The following RNF169 variants were observed in gnomAD, a reference collection of about 807,000 sequenced individuals.
RNF169 encodes the protein ring finger protein 169, also known as E3 ubiquitin-protein ligase RNF169.
Under a neutral mutation model 53.9 loss-of-function variants are expected in RNF169, and 24 were observed. That is an observed-to-expected ratio of 0.45 (90% CI 0.32 to 0.63). RNF169 has a LOEUF of 0.63. RNF169 is among the 20% of genes least tolerant of loss of function. The pLI is 0.04. For synonymous variants in RNF169, 396 were observed against 363.5 expected, an observed-to-expected ratio of 1.09 and a Z score of -1.02; for missense variants, 883 against 906.2, an observed-to-expected ratio of 0.97 and a Z score of 0.33.
In RNF169 at chr11:74,748,872, G is replaced by A. The variant is rs1412224669; in HGVS notation, c.-9G>A. 3.6e-6 allele frequency: 5 copies of A among 1,406,914 alleles called. No homozygotes were observed. The Admixed American group carries it at 8.2e-5, about 23-fold the overall frequency. The allele number at this position is 1,406,914 out of a possible 1,614,324, so 87.2% of individuals were successfully genotyped here. ...TCGCAACCGACTCTCCCTTCAAACG[G>A]GAAACAAGATGGCGGCTGCAGGTCC... On this transcript the variant is annotated 5_prime_UTR_variant, in exon 1 of 6. Coordinates refer to ENST00000299563, the MANE Select transcript of RNF169 (RefSeq NM_001098638.2).
rs769281779 is a variant in RNF169 at position 74,817,702 on chromosome 11, C to G, written c.830C>G (p.Ala277Gly). 6.2e-7 allele frequency: 1 copy of G among 1,608,146 alleles called. No individual in the cohort carries two copies. Among genetic ancestry groups the G allele is most frequent in the Non-Finnish European group, 8.5e-7 (1 of 1,174,546 alleles). ...TCCAAGAACAACTCCTACTCCTTAG[C>G]TTTCCTGGCAGGGTAAGAGACTGAT... ...FVSKNNSYSL[A>G]FLAGKLNSKV... Residue 277 changes from alanine to glycine, a missense_variant, in exon 4 of 6, where the codon GCT becomes GGT. This residue lies in a region of RNF169 where 219 missense variants were observed against 289.1 expected (regional missense o/e 0.76). Coordinates refer to ENST00000299563, the MANE Select transcript of RNF169 (RefSeq NM_001098638.2).
intron 2 of RNF169, among the ~76,000 whole-genome samples, chr11:74,798,426 C>T (rs2035681248): frequency 1.3e-5 from 2 of 152,222 alleles, no homozygotes; most frequent in South Asian, 4.1e-4. Context: ...CGCTCCCAGG[C>T]TTATTAGGAA....
At chr11:74,835,524 T>G (rs1247316706) in intron 5 of RNF169, 22 bp from the exon 6 acceptor site, 3 of 1,570,444 alleles carry the variant, frequency 1.9e-6, no homozygotes, top group Non-Finnish European at 2.6e-6. Context: ...TATGAAGGCA[T>G]AATCTTTTTA....
At chr11:74,766,682 G>A (rs1419151220) in intron 1 of RNF169, among the ~76,000 whole-genome samples, 1 of 152,164 alleles carries the variant, frequency 6.6e-6, no homozygotes, top group Non-Finnish European at 1.5e-5. Flanking sequence ...GCTAATGATT[G>A]ATTGCTGAAG....
Position 74,748,901 on chromosome 11 carries a change from T to C in RNF169, c.21T>C (p.Ser7=), listed in dbSNP as rs754826982. ...ACAAGATGGCGGCTGCAGGTCCGAG[T>C]ACTCGGGCCTCTTCCGCGGCGGCAG... MAAAGP[S]TRASSAAAAA... is the part of the protein sequence containing the mutation. The change falls in exon 1 of 6, where the codon AGT becomes AGC. Residue 7 remains serine (S), a synonymous_variant. Transcript: ENST00000299563. The C allele has an allele frequency of 6.4e-5, 92 of 1,431,762 alleles. 1 individual carries two copies. The highest frequency in any genetic ancestry group is 8.4e-5 in the Non-Finnish European group (91 of 1,081,086). 88.7% of individuals were successfully genotyped at this position (1,431,762 alleles called of 1,614,324 possible). A position where few individuals can be genotyped will look rare whatever the true frequency, so the allele number is the denominator to read the frequency against.
chr11:74,810,264 G>A lies in RNF169; in HGVS notation c.657G>A (p.Gly219=), dbSNP rs1473614736. ...HKLLPEDTET[G]KRKMDEQKKR... is the part of the protein sequence containing the mutation. ...TGTTACCAGAGGATACAGAAACAGG[G>A]AAAAGGAAAATGGATGAACAGAAAA... Residue 219 remains glycine (G), a synonymous_variant, in exon 3 of 6, where the codon GGG becomes GGA. Coordinates refer to ENST00000299563, the MANE Select transcript of RNF169 (RefSeq NM_001098638.2). The A allele has an allele frequency of 6.2e-7, 1 of 1,613,872 alleles. No homozygotes were observed.
Position 74,749,332 on chromosome 11 carries a change from CCG to C in RNF169, c.455_456del (p.Ala152GlyfsTer33), listed in dbSNP as rs1422248001. Reference sequence around the variant, plus strand: ...CCGCGCCGGGACGGGGGCGCGGCTGCCGCGGGGCCCAGGCCAGAGCAGGAGCC... The same window carrying C: ...CCGCGCCGGGACGGGGGCGCGGCTGCCGGGGCCCAGGCCAGAGCAGGAGCC... On this transcript the variant is annotated frameshift_variant, in exon 1 of 6. Coordinates refer to ENST00000299563, the MANE Select transcript of RNF169 (RefSeq NM_001098638.2). LOFTEE classifies it high-confidence loss of function. 8.3e-7 allele frequency: 1 copy of C among 1,207,826 alleles called. No individual in the cohort carries two copies. The highest frequency in any genetic ancestry group is 1.6e-5 in the African/African-American group (1 of 63,462). 74.8% of individuals were successfully genotyped at this position (1,207,826 alleles called of 1,614,324 possible).
intron 1 of RNF169, among the ~76,000 whole-genome samples, chr11:74,750,564 T>C (rs1039516520): frequency 1.3e-5 from 2 of 150,708 alleles, no homozygotes; most frequent in African/African-American, 4.9e-5. Flanking sequence ...TCTTACTTTC[T>C]ATGTTCCTTG....
intron 3 of RNF169, among the ~76,000 whole-genome samples, chr11:74,816,590 G>A (rs537397769): frequency 1.3e-5 from 2 of 152,330 alleles, no homozygotes; most frequent in South Asian, 2.1e-4. Flanking sequence ...TAATTTGGAA[G>A]CCTTTGCAGA....
chr11:74,784,445 G>A (rs907292577), intron 1 of RNF169, among the ~76,000 whole-genome samples: 16 of 152,140 alleles, frequency 1.1e-4, no homozygotes, highest in African/African-American at 3.6e-4. Flanking sequence ...AAAAGACACC[G>A]AGCAAAATCA....
intron 1 of RNF169, among the ~76,000 whole-genome samples, chr11:74,764,895 G>A (rs1256146212): frequency 6.6e-6 from 1 of 152,170 alleles, no homozygotes; most frequent in Non-Finnish European, 1.5e-5. Context: ...ATCAACTTTA[G>A]GCTTTAAGTC....
intron 2 of RNF169, among the ~76,000 whole-genome samples, chr11:74,807,316 C>T (rs937785726): frequency 6.6e-6 from 1 of 151,888 alleles, no homozygotes; most frequent in Non-Finnish European, 1.5e-5. Context: ...TTTTTTTTCA[C>T]CTCAGACTGT....
Position 74,836,733 on chromosome 11 carries a change from C to T in RNF169, c.*3C>T. 1 of 1,596,276 alleles carries T rather than the reference C, an allele frequency of 6.3e-7. No homozygotes were observed. The highest frequency in any genetic ancestry group is 8.5e-7 in the Non-Finnish European group (1 of 1,171,942). On this transcript the variant is annotated 3_prime_UTR_variant, in exon 6 of 6. Coordinates refer to ENST00000299563, the MANE Select transcript of RNF169 (RefSeq NM_001098638.2). ...GCAACATGGCCGGGGCCAAGTAGCACCTAATGAAGTGTTACCTATTTTTAA... is the reference window on the plus strand; with the variant it reads ...GCAACATGGCCGGGGCCAAGTAGCATCTAATGAAGTGTTACCTATTTTTAA...
intron 1 of RNF169, among the ~76,000 whole-genome samples, chr11:74,780,077 C>G (rs914631308): frequency 6.6e-6 from 1 of 152,192 alleles, no homozygotes; most frequent in Non-Finnish European, 1.5e-5. Flanking sequence ...GTTTCATTGC[C>G]TGCCTTTCGC....
At position 74,748,910 on chromosome 11, in the gene RNF169, C is replaced by G. The variant is rs772917429; in HGVS notation, c.30C>G (p.Ala10=). The G allele has an allele frequency of 2.8e-6, 4 of 1,448,882 alleles. No homozygotes were observed. The highest frequency in any genetic ancestry group is 4.9e-5 in the Admixed American group (2 of 40,954). The allele number at this position is 1,448,882 out of a possible 1,614,324, so 89.8% of individuals were successfully genotyped here. The part of the protein sequence containing the change: MAAAGPSTR[A]SSAAAAAALS... ...CGGCTGCAGGTCCGAGTACTCGGGC[C>G]TCTTCCGCGGCGGCAGCAGCCGCTC... is the stretch of plus-strand genomic sequence containing the variant. Residue 10 remains alanine, a synonymous_variant, in exon 1 of 6, where the codon GCC becomes GCG. Transcript: ENST00000299563.
chr11:74,771,126 A>C (rs1234439136), intron 1 of RNF169, among the ~76,000 whole-genome samples: 1 of 152,030 alleles, frequency 6.6e-6, no homozygotes, highest in Non-Finnish European at 1.5e-5. Flanking sequence ...CATTTTTGAT[A>C]CTTAGTCATA....
At chr11:74,774,360 CAAAA>C (rs1565173824) in intron 1 of RNF169, among the ~76,000 whole-genome samples, 21 of 150,342 alleles carry the variant, frequency 1.4e-4, no homozygotes, top group Non-Finnish European at 1.3e-4. Context: ...AAAAAAAACC[CAAAA>C]AAACAAGAAA....
chr11:74,834,848 TA>T (rs1166790720), intron 5 of RNF169, 73 bp downstream of exon 5: 11 of 977,008 alleles, frequency 1.1e-5, no homozygotes, highest in African/African-American at 3.3e-5. Context: ...GGTCATGAAA[TA>T]AACTATTCCA....
chr11:74,776,243 G>A (rs1014708120), intron 1 of RNF169, among the ~76,000 whole-genome samples: 11 of 151,912 alleles, frequency 7.2e-5, no homozygotes, highest in African/African-American at 2.7e-4. Flanking sequence ...TTCAATTTTG[G>A]TGTTTATGGA....
Sources: gnomAD v4.1 joint callset for allele counts (sites outside exome capture counted in the v4.1 genomes callset) on GRCh38, gnomAD v4.1.1 for gene constraint, gnomAD v4.1.1 regional missense constraint, MANE v1.5 for transcripts, NCBI Gene and HGNC (gene_info 2026-07-23, HGNC 2026-07-21) for gene names.